Variants in MAP7 observed in about 807,000 individuals in gnomAD.
MAP7 encodes microtubule associated protein 7, also known as ensconsin.
In MAP7, 52 loss-of-function variants were observed where a neutral mutation model predicts 94.8. That is an observed-to-expected ratio of 0.55 (90% CI 0.44 to 0.69). The LOEUF is 0.69. Among genes scored for constraint, MAP7 ranks in the 30% least tolerant of loss-of-function variants. The pLI is 0.00. For missense variants in MAP7, 940 were observed against 964.6 expected (o/e 0.97, Z 0.34); for synonymous variants, 350 against 357.0 (o/e 0.98, Z 0.22).
chr6:136,469,016 G>A (rs1808074015), intron 1 of MAP7, among the ~76,000 whole-genome samples: 3 of 151,960 alleles, frequency 2.0e-5, no homozygotes, highest in Admixed American at 2.0e-4. Context: ...CTAAATGGTG[G>A]TGAATTCATC....
chr6:136,459,926 G>A (rs1804621180), intron 1 of MAP7, among the ~76,000 whole-genome samples: 1 of 152,112 alleles, frequency 6.6e-6, no homozygotes, highest in Admixed American at 6.6e-5. Context: ...ACAAAACAGA[G>A]CTATAGTATA....
At chr6:136,417,223 G>A (rs568530427) in intron 2 of MAP7, among the ~76,000 whole-genome samples, 46 of 152,300 alleles carry the variant, frequency 3.0e-4, no homozygotes, top group African/African-American at 1.1e-3. Flanking sequence ...GGGTTTAAGA[G>A]GAATAGAACT....
In MAP7 at chr6:136,363,083, C is replaced by A. The variant is rs188210195; in HGVS notation, c.1274-381G>T. The stretch of plus-strand genomic sequence containing the variant: ...ATTGCATTTGAAAATTCCTACTCTT[C>A]GGTAACCATTCATTACTAGAGCAGC... On this transcript the variant is annotated intron_variant, in intron 10 of 17. Coordinates refer to ENST00000354570, the MANE Select transcript of MAP7 (RefSeq NM_003980.6). Among the ~76,000 whole-genome samples, 25 of 152,314 alleles carry A rather than the reference C, an allele frequency of 1.6e-4. 1 individual carries two copies. Among genetic ancestry groups the A allele is most frequent in the Admixed American group, 1.6e-3 (25 of 15,302 alleles).
chr6:136,375,496 A>C (rs1216081829), intron 7 of MAP7, among the ~76,000 whole-genome samples: 2 of 152,204 alleles, frequency 1.3e-5, no homozygotes, highest in Non-Finnish European at 2.9e-5. Context: ...GGCAATTAGG[A>C]ATATGATGAG....
intron 7 of MAP7, 78 bp from the exon 8 acceptor site, chr6:136,372,703 G>A: frequency 6.3e-7 from 1 of 1,595,206 alleles, no homozygotes; most frequent in East Asian, 2.2e-5. Flanking sequence ...AGCAGTTGAA[G>A]AAAGCCAAAA....
At chr6:136,387,812 C>G (rs967985515) in intron 5 of MAP7, among the ~76,000 whole-genome samples, 1 of 152,064 alleles carries the variant, frequency 6.6e-6, no homozygotes, top group African/African-American at 2.4e-5. Flanking sequence ...ATGTAAAATT[C>G]CAGGGGTATT....
At chr6:136,363,670 G>A (rs1183971620) in intron 10 of MAP7, among the ~76,000 whole-genome samples, 2 of 152,168 alleles carry the variant, frequency 1.3e-5, no homozygotes, top group African/African-American at 2.4e-5. Context: ...CACAGCTCCA[G>A]GTGGTTTTAA....
At chr6:136,389,622 T>C in intron 3 of MAP7, 105 bp from the exon 4 acceptor site, 1 of 1,026,510 alleles carries the variant, frequency 9.7e-7, no homozygotes, top group Non-Finnish European at 1.4e-6. Flanking sequence ...TGAACAAATA[T>C]GGGTTCTTTA....
At chr6:136,360,150 GCA>G in intron 13 of MAP7, 119 bp from the exon 14 acceptor site, 1 of 791,882 alleles carries the variant, frequency 1.3e-6, no homozygotes, top group Non-Finnish European at 2.0e-6. Context: ...AATACAATAT[GCA>G]CTTTTTTTTT....
chr6:136,491,458 C>T (rs1816575667), intron 1 of MAP7, among the ~76,000 whole-genome samples: 1 of 152,082 alleles, frequency 6.6e-6, no homozygotes, highest in African/African-American at 2.4e-5. Flanking sequence ...GTGCCCAAAC[C>T]CAGTCTGTTC....
At chr6:136,542,875 T>G (rs747645747) in intron 1 of MAP7, among the ~76,000 whole-genome samples, 1 of 152,220 alleles carries the variant, frequency 6.6e-6, no homozygotes, top group Non-Finnish European at 1.5e-5. Context: ...AAAAAGGCAC[T>G]ATTTTACTTT....
chr6:136,355,910 A>C (rs1790777435), intron 16 of MAP7, among the ~76,000 whole-genome samples: 1 of 152,354 alleles, frequency 6.6e-6, no homozygotes, highest in East Asian at 1.9e-4. Flanking sequence ...ATTACAAGAA[A>C]AGAGAAAGGC....
chr6:136,361,236 G>GA lies in MAP7; in HGVS notation c.1527-58dup, dbSNP rs1792674246. ...AGACACCTGAGGAGAAATCTTTGAAGAGAGGCCTCCGTCGGTGGTTCTGTA... is the reference window on the plus strand; with the variant it reads ...AGACACCTGAGGAGAAATCTTTGAAGAAGAGGCCTCCGTCGGTGGTTCTGTA... On this transcript the variant is annotated intron_variant, in intron 11 of 17. Coordinates refer to ENST00000354570, the MANE Select transcript of MAP7 (RefSeq NM_003980.6). The GA allele has an allele frequency of 3.2e-6, 5 of 1,578,794 alleles. No homozygotes were observed. The Admixed American group carries it at 8.5e-5, about 27-fold the overall frequency.
intron 1 of MAP7, among the ~76,000 whole-genome samples, chr6:136,521,524 T>G (rs190660747): frequency 1.9e-4 from 29 of 152,192 alleles, no homozygotes; most frequent in Non-Finnish European, 2.9e-4. Context: ...ATCAATCAGG[T>G]TTTATATAAA....
intron 10 of MAP7, chr6:136,365,089 G>A (rs1793917717): frequency 6.6e-6 from 1 of 152,282 alleles, no homozygotes; most frequent in Admixed American, 6.5e-5. Context: ...GAATTCACGT[G>A]TTTGTGGCTC....
chr6:136,344,209 G>T lies in MAP7; in HGVS notation c.*19C>A. 1.5e-6 allele frequency: 2 copies of T among 1,316,292 alleles called. No homozygotes were observed. Among genetic ancestry groups the T allele is most frequent in the South Asian group, 1.8e-5 (1 of 56,646 alleles). The allele number at this position is 1,316,292 out of a possible 1,614,324, so 81.5% of individuals were successfully genotyped here. ...GAAATTCTCATTAAATTTCAGCTTT[G>T]GTTCTTCAGAAGAAACACTCATATA... On this transcript the variant is annotated 3_prime_UTR_variant, in exon 18 of 18. Coordinates refer to ENST00000354570, the MANE Select transcript of MAP7 (RefSeq NM_003980.6).
At chr6:136,457,301 C>T (rs1048920287) in intron 1 of MAP7, among the ~76,000 whole-genome samples, 8 of 149,844 alleles carry the variant, frequency 5.3e-5, no homozygotes, top group African/African-American at 2.0e-4. Context: ...GAGATTGAAT[C>T]AGGAATTAAA....
chr6:136,403,989 T>C lies in MAP7; in HGVS notation c.244+7631A>G, dbSNP rs372937971. 2.0e-5 allele frequency among the ~76,000 whole-genome samples: 3 copies of C among 152,228 alleles called. No homozygotes were observed. In the East Asian group the frequency reaches 5.8e-4, roughly 29 times the overall value. Reference sequence around the variant, plus strand: ...CAGATGCTGAGACTGGTAACAGATATGCCGAAGTTTATCCATTAGATATTT... The same window carrying C: ...CAGATGCTGAGACTGGTAACAGATACGCCGAAGTTTATCCATTAGATATTT... On this transcript the variant is annotated intron_variant, in intron 3 of 17. Coordinates refer to ENST00000354570, the MANE Select transcript of MAP7 (RefSeq NM_003980.6).
intron 1 of MAP7, among the ~76,000 whole-genome samples, chr6:136,437,714 G>A (rs923718680): frequency 1.3e-5 from 2 of 151,784 alleles, no homozygotes; most frequent in Admixed American, 6.6e-5. Context: ...GGAAATTATC[G>A]TAAACCAGCT....
Sources: gnomAD v4.1 joint callset for allele counts (sites outside exome capture counted in the v4.1 genomes callset) on GRCh38, gnomAD v4.1.1 for gene constraint, MANE v1.5 for transcripts, NCBI Gene and HGNC (gene_info 2026-07-23, HGNC 2026-07-21) for gene names.